Variants in TENM4 observed in about 807,000 individuals in gnomAD.
TENM4 encodes the protein teneurin transmembrane protein 4.
TENM4 carries 82 observed loss-of-function variants against 243.3 expected under a neutral mutation model. The observed-to-expected ratio is 0.34, with a 90% CI of 0.28 to 0.40. The LOEUF is 0.40. TENM4 is among the 10% of genes least tolerant of loss of function. TENM4 has a pLI of 1.00. For synonymous variants in TENM4, 1,412 were observed against 1,456.3 expected, an observed-to-expected ratio of 0.97 and a Z score of 0.69; for missense variants, 3,138 against 3,673.3, an observed-to-expected ratio of 0.85 and a Z score of 3.77.
intron 2 of TENM4, among the ~76,000 whole-genome samples, chr11:79,288,253 T>C (rs1856291724): frequency 6.6e-6 from 1 of 152,254 alleles, no homozygotes; most frequent in Admixed American, 6.5e-5. Flanking sequence ...AGACCCTGAC[T>C]GTGAGTTTGT....
At chr11:78,725,942 T>C (rs1855500566) in intron 23 of TENM4, 137 bp downstream of exon 23, 1 of 1,193,114 alleles carries the variant, frequency 8.4e-7, no homozygotes, top group Non-Finnish European at 1.2e-6. Flanking sequence ...CTTCAAGCAA[T>C]ATCTGTTGAC....
intron 18 of TENM4, among the ~76,000 whole-genome samples, chr11:78,768,355 C>T (rs753646236): frequency 9.2e-5 from 14 of 152,224 alleles, no homozygotes; most frequent in Non-Finnish European, 1.9e-4. Flanking sequence ...GGATGTCTTC[C>T]CGGCTGTTCT....
chr11:78,843,539 C>A (rs992187576), intron 12 of TENM4, among the ~76,000 whole-genome samples: 1 of 151,926 alleles, frequency 6.6e-6, no homozygotes, highest in Non-Finnish European at 1.5e-5. Flanking sequence ...TAAGATAATA[C>A]TTAGATACAG....
At chr11:78,820,625 A>G (rs1007048839) in intron 12 of TENM4, among the ~76,000 whole-genome samples, 1 of 152,240 alleles carries the variant, frequency 6.6e-6, no homozygotes, top group Non-Finnish European at 1.5e-5. Context: ...ATGAATTAAA[A>G]AACAATCTGA....
At chr11:78,923,601 A>C (rs1354918914) in intron 6 of TENM4, among the ~76,000 whole-genome samples, 1 of 148,578 alleles carries the variant, frequency 6.7e-6, no homozygotes, top group African/African-American at 2.5e-5. Context: ...GTAGTGGTGC[A>C]ATTTTGGCTC....
At chr11:78,718,360 G>A (rs1008161332) in intron 25 of TENM4, among the ~76,000 whole-genome samples, 3 of 151,948 alleles carry the variant, frequency 2.0e-5, no homozygotes, top group Non-Finnish European at 4.4e-5. Context: ...TTGACGAAGG[G>A]TTTAAAGTCA....
chr11:78,998,200 G>T (rs1030080975), intron 6 of TENM4, among the ~76,000 whole-genome samples: 5 of 152,300 alleles, frequency 3.3e-5, no homozygotes, highest in Admixed American at 3.3e-4. Flanking sequence ...AGGCTTCATG[G>T]TACAGTAGAA....
intron 4 of TENM4, among the ~76,000 whole-genome samples, chr11:79,111,536 C>T (rs1298329684): frequency 6.6e-6 from 1 of 152,142 alleles, no homozygotes; most frequent in East Asian, 1.9e-4. Flanking sequence ...CAGAGCTAGA[C>T]TCTGTCTCAA....
intron 4 of TENM4, among the ~76,000 whole-genome samples, chr11:79,085,325 T>C (rs1313914652): frequency 6.1e-5 from 9 of 147,556 alleles, no homozygotes; most frequent in Non-Finnish European, 1.3e-4. Flanking sequence ...TGCAGTAAGC[T>C]GAGATCGCGC....
chr11:78,788,241 T>C (rs147835045), intron 15 of TENM4, among the ~76,000 whole-genome samples: 157 of 152,374 alleles, frequency 1.0e-3, no homozygotes, highest in African/African-American at 3.6e-3. Flanking sequence ...CAGACCTTCC[T>C]ACCAATCTAC....
intron 1 of TENM4, among the ~76,000 whole-genome samples, chr11:79,372,246 C>G (rs1375071768): frequency 6.6e-6 from 1 of 152,116 alleles, no homozygotes; most frequent in Non-Finnish European, 1.5e-5. Flanking sequence ...AGATGGACAT[C>G]CCAGGGTTTA....
chr11:78,930,668 G>A (rs1856647699), intron 6 of TENM4, among the ~76,000 whole-genome samples: 1 of 152,230 alleles, frequency 6.6e-6, no homozygotes, highest in Admixed American at 6.5e-5. Flanking sequence ...CTCAATGGAA[G>A]TTTGCTGAAT....
At chr11:78,927,513 A>T (rs1856577901) in intron 6 of TENM4, among the ~76,000 whole-genome samples, 2 of 152,210 alleles carry the variant, frequency 1.3e-5, no homozygotes, top group African/African-American at 4.8e-5. Context: ...TAGGGGATGG[A>T]ATGGGACTTG....
chr11:79,164,038 A>T (rs1862830673), intron 3 of TENM4, among the ~76,000 whole-genome samples: 1 of 115,070 alleles, frequency 8.7e-6, no homozygotes, highest in African/African-American at 3.7e-5. Flanking sequence ...TATAGTATAT[A>T]TACACTATAA....
intron 6 of TENM4, among the ~76,000 whole-genome samples, chr11:78,981,280 C>A (rs1421849897): frequency 6.6e-6 from 1 of 152,262 alleles, no homozygotes; most frequent in Non-Finnish European, 1.5e-5. Flanking sequence ...ACAACCCATC[C>A]CATGTGCAGA....
intron 2 of TENM4, among the ~76,000 whole-genome samples, chr11:79,289,769 A>T (rs1856322425): frequency 6.6e-6 from 1 of 152,214 alleles, no homozygotes; most frequent in African/African-American, 2.4e-5. Context: ...CTGCTTAGCT[A>T]ATAGCTTGTC....
chr11:78,966,211 A>G (rs1345321210), intron 6 of TENM4, among the ~76,000 whole-genome samples: 1 of 144,646 alleles, frequency 6.9e-6, no homozygotes, highest in Non-Finnish European at 1.5e-5. Flanking sequence ...AAAAAAAAAA[A>G]GAAAGAAAAG....
At chr11:78,675,246 G>A (rs936258409) in intron 30 of TENM4, among the ~76,000 whole-genome samples, 17 of 152,204 alleles carry the variant, frequency 1.1e-4, no homozygotes, top group Admixed American at 5.9e-4. Context: ...ATTGTCTCAT[G>A]TGTAAAAGAG....
chr11:79,205,398 C>T (rs571074341), intron 3 of TENM4, among the ~76,000 whole-genome samples: 9 of 152,256 alleles, frequency 5.9e-5, no homozygotes, highest in African/African-American at 2.2e-4. Context: ...GTTTGTGTGT[C>T]CATCACCACA....
Sources: gnomAD v4.1 joint callset for allele counts (sites outside exome capture counted in the v4.1 genomes callset) on GRCh38, gnomAD v4.1.1 for gene constraint, MANE v1.5 for transcripts, NCBI Gene and HGNC (gene_info 2026-07-23, HGNC 2026-07-21) for gene names.